CHD1L: variants seen among roughly 807,000 people sequenced by gnomAD.
CHD1L encodes ATP-dependent chromatin remodeler CHD1L.
A neutral mutation model predicts 115.9 loss-of-function variants in CHD1L; 118 were observed. That is an observed-to-expected ratio of 1.02 (90% CI 0.88 to 1.19). CHD1L has a LOEUF of 1.19. CHD1L is among the 50% of genes most tolerant of loss of function. The pLI is 0.00. For missense variants in CHD1L, 1,179 were observed against 1,065.3 expected, an observed-to-expected ratio of 1.11 and a Z score of -1.49; for synonymous variants, 411 against 387.1, an observed-to-expected ratio of 1.06 and a Z score of -0.72.
chr1:147,277,759 T>C lies in CHD1L; in HGVS notation c.1539+1502T>C, dbSNP rs79736429. ...CTGTAGATACCCTTAAATGCAGTTTTCCACAGAAAAATTATCCATAGAACC... is the reference window on the plus strand; with the variant it reads ...CTGTAGATACCCTTAAATGCAGTTTCCCACAGAAAAATTATCCATAGAACC... On this transcript the variant is annotated intron_variant, in intron 14 of 22. Transcript: ENST00000369258. Among the ~76,000 whole-genome samples, 1,439 of 152,254 alleles carry C rather than the reference T, an allele frequency of 9.5e-3. 14 individuals are homozygous for C. The highest frequency in any genetic ancestry group is 0.014 in the Middle Eastern group (4 of 294).
chr1:147,200,007 G>C, the CHD1L span, among the ~76,000 whole-genome samples: 3 of 152,144 alleles, frequency 2.0e-5, no homozygotes, highest in Admixed American at 6.5e-5. Context: ...ACATCATCTT[G>C]TTTCTCTCTA....
chr1:147,199,316 G>A, the CHD1L span, among the ~76,000 whole-genome samples: 1 of 152,184 alleles, frequency 6.6e-6, no homozygotes, highest in Non-Finnish European at 1.5e-5. Context: ...AGGCAAGAAT[G>A]TGGGAGGCAG....
the CHD1L span, among the ~76,000 whole-genome samples, chr1:147,184,801 T>A: frequency 6.6e-6 from 1 of 152,112 alleles, no homozygotes; most frequent in Admixed American, 6.6e-5. The surrounding 1 kb of genome is among the most constrained non-coding windows in gnomAD (Gnocchi z 4.4). Context: ...ATTTTCCCCC[T>A]TTCCATATGT....
chr1:147,204,095 A>G, the CHD1L span: 6 of 1,069,504 alleles, frequency 5.6e-6, no homozygotes, highest in Admixed American at 1.0e-4. Flanking sequence ...AATAGCTTTG[A>G]CTTATGCATC....
the CHD1L span, chr1:147,224,812 C>T: frequency 1.4e-6 from 2 of 1,425,898 alleles, no homozygotes; most frequent in Non-Finnish European, 2.0e-6. Context: ...CGCCCGGCCA[C>T]CTGACACTGT....
chr1:147,178,579 A>G, the CHD1L span: 19 of 1,607,844 alleles, frequency 1.2e-5, no homozygotes, highest in South Asian at 2.0e-4. Context: ...AGATGCCTCT[A>G]TAGTAGGTTT....
At chr1:147,233,372 G>A in the CHD1L span, among the ~76,000 whole-genome samples, 6 of 147,430 alleles carry the variant, frequency 4.1e-5, no homozygotes, top group Non-Finnish European at 3.0e-5. Flanking sequence ...CGGGAGGGAG[G>A]TGGGGGGTCA....
At chr1:147,190,800 A>G in the CHD1L span, among the ~76,000 whole-genome samples, 1 of 152,120 alleles carries the variant, frequency 6.6e-6, no homozygotes, top group Admixed American at 6.6e-5. Flanking sequence ...GTCATTTAGC[A>G]TTAGGTATAT....
chr1:147,266,069 A>G lies in CHD1L; in HGVS notation c.877A>G (p.Ile293Val). Reference protein sequence around the residue: ...SALQKKYYKAILMKDLDAFEN... With the variant: ...SALQKKYYKAVLMKDLDAFEN... Reference sequence around the variant, plus strand: ...ATTGCAGAAGAAATACTACAAGGCCATTTTGATGAAAGACCTAGGTAATCA... The same window carrying G: ...ATTGCAGAAGAAATACTACAAGGCCGTTTTGATGAAAGACCTAGGTAATCA... The change falls in exon 8 of 23, where the codon ATT becomes GTT. Residue 293 changes from isoleucine (I) to valine (V), a missense_variant. Coordinates refer to ENST00000369258, the MANE Select transcript of CHD1L (RefSeq NM_004284.6). The G allele has an allele frequency of 6.2e-7, 1 of 1,611,156 alleles. No individual in the cohort carries two copies. The highest frequency in any genetic ancestry group is 8.5e-7 in the Non-Finnish European group (1 of 1,178,958).
chr1:147,201,326 G>C, the CHD1L span: 1 of 1,614,156 alleles, frequency 6.2e-7, no homozygotes, highest in South Asian at 1.1e-5. Context: ...TCCAGAAATG[G>C]AAAGTCAAAG....
chr1:147,247,035 G>C (rs1666843356), intron 1 of CHD1L, among the ~76,000 whole-genome samples: 1 of 152,056 alleles, frequency 6.6e-6, no homozygotes, highest in Non-Finnish European at 1.5e-5. Flanking sequence ...TTTTTATTTA[G>C]TTCAGTGTAT....
chr1:147,267,881 G>T (rs953087), intron 9 of CHD1L, among the ~76,000 whole-genome samples: 102,914 of 151,960 alleles, frequency 0.68, 34,926 homozygotes, highest in African/African-American at 0.7. Context: ...TGCATGATAA[G>T]CTGGGTTCTT....
chr1:147,285,369 G>T lies in CHD1L; in HGVS notation c.1900G>T (p.Val634Phe), dbSNP rs1682658886. ...LVEGSTKRKRVLSPEELEDRQ... is the reference protein window; with the variant it reads ...LVEGSTKRKRFLSPEELEDRQ... ...GGAGGGATCTACCAAAAGGAAGCGG[G>T]TTCTGAGTCCAGAAGAGCTGGAGGA... is the stretch of plus-strand genomic sequence containing the variant. Residue 634 changes from valine to phenylalanine, a missense_variant, in exon 17 of 23, where the codon GTT (valine) becomes TTT (phenylalanine). Coordinates refer to ENST00000369258, the MANE Select transcript of CHD1L (RefSeq NM_004284.6). The T allele has an allele frequency of 1.2e-6, 2 of 1,613,926 alleles. No individual in the cohort carries two copies. The highest frequency in any genetic ancestry group is 1.7e-6 in the Non-Finnish European group (2 of 1,179,892).
the CHD1L span, among the ~76,000 whole-genome samples, chr1:147,222,098 G>A: frequency 1.2e-4 from 19 of 152,168 alleles, no homozygotes; most frequent in African/African-American, 3.6e-4. Flanking sequence ...GGCTAGGCAC[G>A]GTGGCTCATG....
intron 4 of CHD1L, among the ~76,000 whole-genome samples, 155 bp from the exon 5 acceptor site, chr1:147,256,376 G>A (rs1234616878): frequency 3.3e-5 from 5 of 152,100 alleles, no homozygotes; most frequent in Non-Finnish European, 4.4e-5. Flanking sequence ...TTAAGATGGC[G>A]CTACTTAGAA....
Position 147,280,184 on chromosome 1 carries a change from G to C in CHD1L, c.1698G>C (p.Glu566Asp). The C allele has an allele frequency of 3.1e-6, 5 of 1,594,134 alleles. No homozygotes were observed. Among genetic ancestry groups the C allele is most frequent in the Non-Finnish European group, 4.3e-6 (5 of 1,171,136 alleles). The change falls in exon 15 of 23, where the codon GAG becomes GAC. Residue 566 changes from glutamate (E) to aspartate (D), a missense_variant. By Grantham distance (45) the Glu-to-Asp change is conservative (BLOSUM62 2). Transcript: ENST00000369258. Reference protein sequence around the residue: ...PAAEGGSRDQEEGKNHMYLFE... With the variant: ...PAAEGGSRDQDEGKNHMYLFE... ...CAGAAGGAGGGAGCAGAGATCAAGA[G>C]GAAGGAAGTAAGTTGGAGGTTAGAG...
chr1:147,277,353 G>C (rs1572014538), intron 14 of CHD1L, among the ~76,000 whole-genome samples: 1 of 152,192 alleles, frequency 6.6e-6, no homozygotes, highest in East Asian at 1.9e-4. Context: ...GAGTTACTAA[G>C]TTTGTAATTA....
At chr1:147,176,060 A>G in the CHD1L span, 1 of 152,104 alleles carries the variant, frequency 6.6e-6, no homozygotes, top group Admixed American at 6.5e-5. Flanking sequence ...GATACTTACC[A>G]AACTGTACAA....
At chr1:147,235,377 GA>G in the CHD1L span, among the ~76,000 whole-genome samples, 1 of 152,130 alleles carries the variant, frequency 6.6e-6, no homozygotes, top group Admixed American at 6.5e-5. Flanking sequence ...AGTTTCTTGT[GA>G]AAAAATTTTC....
Sources: gnomAD v4.1 joint callset for allele counts (sites outside exome capture counted in the v4.1 genomes callset) on GRCh38, gnomAD v4.1.1 for gene constraint, Gnocchi (gnomAD v3.1) non-coding constraint, MANE v1.5 for transcripts, NCBI Gene and HGNC (gene_info 2026-07-23, HGNC 2026-07-21) for gene names.